PLXNA4: variants seen among roughly 807,000 people sequenced by gnomAD.
The protein encoded by PLXNA4 is plexin A4, also known as plexin-A4.
PLXNA4 carries 44 observed loss-of-function variants against 191.8 expected under a neutral mutation model. The observed-to-expected ratio is 0.23, with a 90% CI of 0.18 to 0.29. PLXNA4 has a LOEUF of 0.29. Ranked by LOEUF, PLXNA4 falls within the 10% of genes least tolerant of loss-of-function variation. The pLI, the probability that PLXNA4 is intolerant of heterozygous loss-of-function variation, is 1.00. For synonymous variants in PLXNA4, 1,082 were observed against 1,009.5 expected, an observed-to-expected ratio of 1.07 and a Z score of -1.36; for missense variants, 1,800 against 2,488.8, an observed-to-expected ratio of 0.72 and a Z score of 5.89.
At chr7:132,563,891 GCTCCTCCTC>G (rs529191672) in intron 1 of PLXNA4, among the ~76,000 whole-genome samples, 16 of 48,608 alleles carry the variant, frequency 3.3e-4, no homozygotes, top group African/African-American at 1.3e-3. Context: ...TCCTTCTGCT[GCTCCTCCTC>G]CTCCTTCTCC....
rs150100994 is a variant in PLXNA4 at position 132,518,302 on chromosome 7, A to G, written c.-86-9523T>C. Reference sequence around the variant, plus strand: ...ACCCATCACTACCACTAGGGGGAAAAGTCAAGTCAAAGCAACTGTCTTCCC... The same window carrying G: ...ACCCATCACTACCACTAGGGGGAAAGGTCAAGTCAAAGCAACTGTCTTCCC... On this transcript the variant is annotated intron_variant, in intron 1 of 31. Coordinates refer to ENST00000321063, the MANE Select transcript of PLXNA4 (RefSeq NM_020911.2). 9.2e-5 allele frequency among the ~76,000 whole-genome samples: 14 copies of G among 152,298 alleles called. No individual in the cohort carries two copies. In the East Asian group the frequency reaches 2.7e-3, roughly 29 times the overall value.
chr7:132,234,141 G>A (rs1798615909), intron 5 of PLXNA4, among the ~76,000 whole-genome samples: 1 of 152,150 alleles, frequency 6.6e-6, no homozygotes. Flanking sequence ...GACAGCAAAG[G>A]CATCGCCACA....
chr7:132,528,714 T>A (rs1173174431), intron 1 of PLXNA4, among the ~76,000 whole-genome samples: 2 of 152,212 alleles, frequency 1.3e-5, no homozygotes, highest in African/African-American at 4.8e-5. Flanking sequence ...CTTGTGCCCA[T>A]GAGAGAGGCA....
chr7:132,402,860 T>G (rs1794052901), intron 3 of PLXNA4, among the ~76,000 whole-genome samples: 1 of 152,234 alleles, frequency 6.6e-6, no homozygotes, highest in South Asian at 2.1e-4. Context: ...GACCCAGTTG[T>G]TTCATTTCTT....
chr7:132,528,250 G>T (rs531397517), intron 1 of PLXNA4, among the ~76,000 whole-genome samples: 4 of 152,134 alleles, frequency 2.6e-5, no homozygotes, highest in Non-Finnish European at 5.9e-5. Flanking sequence ...CCCAGGAGGC[G>T]CAGCAGTTGG....
chr7:132,182,325 T>C (rs1260655543), intron 16 of PLXNA4, 135 bp from the exon 17 acceptor site: 1 of 1,390,750 alleles, frequency 7.2e-7, no homozygotes. Flanking sequence ...GGGACAAGGA[T>C]GACAAGCTGA....
intron 20 of PLXNA4, among the ~76,000 whole-genome samples, chr7:132,178,278 A>G (rs1796542913): frequency 6.6e-6 from 1 of 151,966 alleles, no homozygotes; most frequent in Non-Finnish European, 1.5e-5. Flanking sequence ...CCAGGATTCC[A>G]GGTATGGAGG....
At chr7:132,623,454 C>A (rs978723926) in intron 2 of PLXNA4, among the ~76,000 whole-genome samples, 2 of 152,136 alleles carry the variant, frequency 1.3e-5, no homozygotes, top group Non-Finnish European at 2.9e-5. Context: ...ACAGTCTATG[C>A]CTCTGGCTGC....
At chr7:132,162,804 G>C (rs1795989987) in intron 24 of PLXNA4, among the ~76,000 whole-genome samples, 1 of 152,092 alleles carries the variant, frequency 6.6e-6, no homozygotes. Flanking sequence ...GATTCCCGGG[G>C]CTTTTGGAAA....
chr7:132,437,569 G>GAAAAAAAAAA (rs58252362), intron 3 of PLXNA4, among the ~76,000 whole-genome samples: 3 of 138,362 alleles, frequency 2.2e-5, no homozygotes, highest in Admixed American at 7.2e-5. Flanking sequence ...GGAAAAAAAA[G>GAAAAAAAAAA]AAAAAAAAAA....
At chr7:132,382,026 A>AG (rs924403414) in intron 3 of PLXNA4, among the ~76,000 whole-genome samples, 1 of 50,038 alleles carries the variant, frequency 2.0e-5, no homozygotes, top group African/African-American at 3.3e-4. Context: ...AGGAGGGGGG[A>AG]AAACACAGAA....
At chr7:132,386,415 T>C (rs933682128) in intron 3 of PLXNA4, among the ~76,000 whole-genome samples, 1 of 152,212 alleles carries the variant, frequency 6.6e-6, no homozygotes, top group African/African-American at 2.4e-5. Flanking sequence ...GCACTTGGGT[T>C]CATTAACACC....
At chr7:132,474,633 C>T (rs1303765857) in intron 3 of PLXNA4, among the ~76,000 whole-genome samples, 3 of 151,514 alleles carry the variant, frequency 2.0e-5, no homozygotes, top group Admixed American at 6.6e-5. Context: ...CACACACACA[C>T]ACACGCGCGC....
intron 4 of PLXNA4, among the ~76,000 whole-genome samples, chr7:132,267,682 A>C (rs1299306727): frequency 6.6e-6 from 1 of 152,230 alleles, no homozygotes; most frequent in Non-Finnish European, 1.5e-5. Flanking sequence ...TCAGCTCTTC[A>C]ATCCTCAGAA....
chr7:132,286,895 T>C (rs1800702372), intron 4 of PLXNA4, among the ~76,000 whole-genome samples: 1 of 151,892 alleles, frequency 6.6e-6, no homozygotes, highest in Admixed American at 6.6e-5. Context: ...ATGAAGGGAG[T>C]CTCTGCCTGA....
At chr7:132,486,824 T>C (rs536677773) in intron 3 of PLXNA4, among the ~76,000 whole-genome samples, 5 of 152,324 alleles carry the variant, frequency 3.3e-5, no homozygotes, top group African/African-American at 1.2e-4. Context: ...TGTCACTGCC[T>C]GCCTGACCGA....
chr7:132,506,246 C>T (rs1250054073), intron 2 of PLXNA4, among the ~76,000 whole-genome samples: 2 of 152,156 alleles, frequency 1.3e-5, no homozygotes, highest in Non-Finnish European at 2.9e-5. Context: ...TCTCCACACT[C>T]TGGCTGGGGA....
intron 3 of PLXNA4, among the ~76,000 whole-genome samples, chr7:132,402,398 G>A (rs893304798): frequency 6.6e-6 from 1 of 152,118 alleles, no homozygotes; most frequent in African/African-American, 2.4e-5. Flanking sequence ...GAGGCACAGG[G>A]GCTCCATTGT....
In PLXNA4 at chr7:132,203,356, G is replaced by T. The variant is rs1266617127; in HGVS notation, c.2362C>A (p.His788Asn). The T allele has an allele frequency of 1.2e-6, 2 of 1,613,876 alleles. No homozygotes were observed. The change falls in exon 11 of 32, where the codon CAC becomes AAC. Residue 788 changes from histidine (H) to asparagine (N), a missense_variant. Coordinates refer to ENST00000321063, the MANE Select transcript of PLXNA4 (RefSeq NM_020911.2). ...PVELTVVWNG[H>N]FNIDNPAQNK... ...TGAGCTGGGTTGTCAATGTTGAAGT[G>T]CCCATTCCACACGACTGTCAACTCC...
Sources: gnomAD v4.1 joint callset for allele counts (sites outside exome capture counted in the v4.1 genomes callset) on GRCh38, gnomAD v4.1.1 for gene constraint, MANE v1.5 for transcripts, NCBI Gene and HGNC (gene_info 2026-07-23, HGNC 2026-07-21) for gene names.